The following FARP2 variants were observed in gnomAD, a reference collection of about 807,000 sequenced individuals.
The protein encoded by FARP2 is FERM, ARHGEF and pleckstrin domain-containing protein 2.
Under a neutral mutation model 130.5 loss-of-function variants are expected in FARP2, and 111 were observed. That is an observed-to-expected ratio of 0.85 (90% CI 0.73 to 1.00). FARP2 has a LOEUF of 1.00. FARP2 is among the 50% of genes least tolerant of loss of function. The pLI is 0.00. For missense variants in FARP2, 1,385 were observed against 1,346.3 expected, an observed-to-expected ratio of 1.03 and a Z score of -0.45; for synonymous variants, 504 against 516.9, an observed-to-expected ratio of 0.98 and a Z score of 0.34.
intron 7 of FARP2, among the ~76,000 whole-genome samples, chr2:241,417,295 C>CA (rs1162509119): frequency 0.011 from 1,534 of 135,870 alleles, 21 homozygotes; most frequent in African/African-American, 0.036. Context: ...GAGACTCCAT[C>CA]AAAAAAAAAA....
At chr2:241,404,890 G>C in intron 4 of FARP2, 49 bp downstream of exon 4, 1 of 1,395,632 alleles carries the variant, frequency 7.2e-7, no homozygotes, top group Non-Finnish European at 1.0e-6. Flanking sequence ...AAGATGTGTT[G>C]TCCTGGAATG....
intron 17 of FARP2, chr2:241,466,424 C>T (rs1328030335): frequency 2.0e-6 from 2 of 985,330 alleles, no homozygotes; most frequent in East Asian, 1.1e-4. Context: ...GGGCACTGGT[C>T]CTCAGCACCA....
chr2:241,461,181 C>T (rs899500611), intron 14 of FARP2, among the ~76,000 whole-genome samples: 1 of 152,138 alleles, frequency 6.6e-6, no homozygotes, highest in Non-Finnish European at 1.5e-5. Flanking sequence ...TGGCTTAGGC[C>T]AAAAACTGCG....
intron 1 of FARP2, among the ~76,000 whole-genome samples, chr2:241,359,057 A>T (rs541546089): frequency 6.6e-6 from 1 of 152,312 alleles, no homozygotes; most frequent in East Asian, 1.9e-4. Flanking sequence ...ATCCAAGGAA[A>T]ATTTGAACCA....
rs752808706 is a variant in FARP2 at position 241,403,925 on chromosome 2, C to G, written c.281C>G (p.Ser94Cys). Residue 94 changes from serine (S) to cysteine (C), a missense_variant, in exon 3 of 27, where the codon TCC (serine) becomes TGC (cysteine). Coordinates refer to ENST00000264042, the MANE Select transcript of FARP2 (RefSeq NM_014808.4). ...GGGATGGAGTTTCAAAATACTCAGT[C>G]CTACTGGGTAAGTGCTTATGACGTG... ...YFGMEFQNTQ[S>C]YWIWLEPMKP... 1 of 1,590,318 alleles carries G rather than the reference C, an allele frequency of 6.3e-7. No homozygotes were observed. The highest frequency in any genetic ancestry group is 8.6e-7 in the Non-Finnish European group (1 of 1,158,298).
rs138546061 is a variant in FARP2, at chr2:241,357,402, C to T, written c.-25+1014C>T. Among the ~76,000 whole-genome samples the T allele has an allele frequency of 5.9e-4, 90 of 152,286 alleles. 1 individual carries two copies. In the East Asian group the frequency reaches 0.016, roughly 27 times the overall value. On this transcript the variant is annotated intron_variant, in intron 1 of 26. Coordinates refer to ENST00000264042, the MANE Select transcript of FARP2 (RefSeq NM_014808.4). ...GGAGAGGACATTTGAGGTAGGGAAG[C>T]ATGGAGTAACCTTTACTTGTAGGCC...
chr2:241,468,496 G>A (rs1229127005), intron 18 of FARP2, 119 bp downstream of exon 18: 2 of 724,124 alleles, frequency 2.8e-6, no homozygotes, highest in Non-Finnish European at 4.7e-6. Context: ...ACCCCATTAG[G>A]GCCTGGACCA....
At chr2:241,483,972 G>A in intron 20 of FARP2, 1 of 1,312,796 alleles carries the variant, frequency 7.6e-7, no homozygotes, top group Non-Finnish European at 9.8e-7. Flanking sequence ...AGGTAACTGA[G>A]TCAGCACCAG....
chr2:241,436,806 A>T (rs2063241575), intron 12 of FARP2, among the ~76,000 whole-genome samples: 1 of 152,140 alleles, frequency 6.6e-6, no homozygotes, highest in African/African-American at 2.4e-5. Flanking sequence ...GCAACATGGC[A>T]AAATCTTGTC....
intron 1 of FARP2, among the ~76,000 whole-genome samples, chr2:241,369,228 G>A (rs1341410138): frequency 6.6e-6 from 1 of 152,136 alleles, no homozygotes; most frequent in Non-Finnish European, 1.5e-5. Context: ...TTTGTCTAGT[G>A]TGTCATGTTC....
chr2:241,419,209 A>G (rs1005308916), intron 8 of FARP2, among the ~76,000 whole-genome samples: 20 of 152,196 alleles, frequency 1.3e-4, no homozygotes, highest in African/African-American at 4.8e-4. Flanking sequence ...TTAGAGTATT[A>G]TGTTACATTT....
chr2:241,409,885 CAT>C (rs1472710750), intron 5 of FARP2, among the ~76,000 whole-genome samples: 1 of 152,072 alleles, frequency 6.6e-6, no homozygotes, highest in Non-Finnish European at 1.5e-5. Flanking sequence ...TGCAGAGAAA[CAT>C]TGTTCACATA....
chr2:241,437,034 T>G (rs1302570450), intron 12 of FARP2, among the ~76,000 whole-genome samples: 1 of 152,240 alleles, frequency 6.6e-6, no homozygotes, highest in Non-Finnish European at 1.5e-5. Flanking sequence ...CATAGTGTTG[T>G]GTGTAATACA....
intron 8 of FARP2, among the ~76,000 whole-genome samples, chr2:241,419,113 T>C (rs1198149109): frequency 6.6e-6 from 1 of 152,236 alleles, no homozygotes; most frequent in East Asian, 1.9e-4. Context: ...CATCAAGCCA[T>C]GTTTATTATT....
At chr2:241,478,622 G>A (rs1272358003) in intron 19 of FARP2, 5 of 511,536 alleles carry the variant, frequency 9.8e-6, no homozygotes, top group Non-Finnish European at 2.0e-5. Context: ...TGGCAAGCTG[G>A]TGATTAACAA....
At chr2:241,390,059 G>A (rs1343928469) in intron 2 of FARP2, among the ~76,000 whole-genome samples, 1 of 152,160 alleles carries the variant, frequency 6.6e-6, no homozygotes, top group African/African-American at 2.4e-5. Flanking sequence ...TTACAAGCAA[G>A]GGACTGAAGT....
At chr2:241,417,279 C>T (rs2062697397) in intron 7 of FARP2, among the ~76,000 whole-genome samples, 1 of 150,072 alleles carries the variant, frequency 6.7e-6, no homozygotes, top group Non-Finnish European at 1.5e-5. Flanking sequence ...GCCTGAGCAG[C>T]AGAGTGAGAC....
At chr2:241,394,257 G>A (rs1353774705) in intron 2 of FARP2, among the ~76,000 whole-genome samples, 1 of 152,192 alleles carries the variant, frequency 6.6e-6, no homozygotes, top group Non-Finnish European at 1.5e-5. Flanking sequence ...TTTGGCTCAC[G>A]CCTGTAATCC....
rs960852241 is a variant in FARP2, at chr2:241,459,423, G to A, written c.1587+2501G>A. Among the ~76,000 whole-genome samples, 5 of 152,230 alleles carry A rather than the reference G, an allele frequency of 3.3e-5. No individual in the cohort carries two copies. Among genetic ancestry groups the A allele is most frequent in the Non-Finnish European group, 5.9e-5 (4 of 68,032 alleles). On this transcript the variant is annotated intron_variant, in intron 14 of 26. Transcript: ENST00000264042. The surrounding 1 kb of genome is among the most constrained non-coding windows in gnomAD (Gnocchi z 5.3). Reference sequence around the variant, plus strand: ...TGCACTTGCACCCAGTTGCTGGGCTGTGCGGGGAGGGGCAAAGAGCTGCCC... The same window carrying A: ...TGCACTTGCACCCAGTTGCTGGGCTATGCGGGGAGGGGCAAAGAGCTGCCC...
Sources: gnomAD v4.1 joint callset for allele counts (sites outside exome capture counted in the v4.1 genomes callset) on GRCh38, gnomAD v4.1.1 for gene constraint, Gnocchi (gnomAD v3.1) non-coding constraint, MANE v1.5 for transcripts, NCBI Gene and HGNC (gene_info 2026-07-23, HGNC 2026-07-21) for gene names.